CLCN3: variants seen among roughly 807,000 people sequenced by gnomAD.
CLCN3 encodes the protein H(+)/Cl(-) exchange transporter 3.
Under a neutral mutation model 83.4 loss-of-function variants are expected in CLCN3, and 16 were observed. That is an observed-to-expected ratio of 0.19 (90% CI 0.13 to 0.29). CLCN3 has a LOEUF of 0.29. Ranked by LOEUF, CLCN3 falls within the 10% of genes least tolerant of loss-of-function variation. The pLI is 1.00. For synonymous variants in CLCN3, 322 were observed against 346.2 expected (o/e 0.93, Z 0.78); for missense variants, 544 against 1,006.0 (o/e 0.54, Z 6.21).
At chr4:169,644,321 G>A (rs1730509981) in intron 2 of CLCN3, among the ~76,000 whole-genome samples, 1 of 147,786 alleles carries the variant, frequency 6.8e-6, no homozygotes. Context: ...GCCGGAGCAC[G>A]ATCTTGGCTC....
In CLCN3 at chr4:169,720,083, C is replaced by CT. The variant is rs746128050; in HGVS notation, c.*94dup. On this transcript the variant is annotated 3_prime_UTR_variant, in exon 13 of 13. Transcript: ENST00000513761. ...CTCTTTAACCTGAGGGAGTCATCTA[C>CT]TTTTTTTTCCTCCTTTACAAAAAAA... The CT allele has an allele frequency of 4.5e-5, 70 of 1,549,562 alleles. No individual in the cohort carries two copies. The East Asian group carries it at 4.9e-4, about 11-fold the overall frequency.
intron 2 of CLCN3, among the ~76,000 whole-genome samples, chr4:169,665,174 A>C (rs1225783514): frequency 6.6e-6 from 1 of 152,234 alleles, no homozygotes; most frequent in Non-Finnish European, 1.5e-5. Context: ...CCAATTACAC[A>C]GATGTCTTAA....
rs149004552 is a variant in CLCN3 at position 169,697,035 on chromosome 4, C to G, written c.1018-154C>G. On this transcript the variant is annotated intron_variant, in intron 8 of 12. Coordinates refer to ENST00000513761, the MANE Select transcript of CLCN3 (RefSeq NM_001829.4). ...TCACCATCTCCAAAAATAATAATAACATCAATTTTTCTTATTACAGTAAAA... is the reference window on the plus strand; with the variant it reads ...TCACCATCTCCAAAAATAATAATAAGATCAATTTTTCTTATTACAGTAAAA... Among the ~76,000 whole-genome samples the G allele has an allele frequency of 1.5e-3, 226 of 152,164 alleles. 1 individual carries two copies. Among genetic ancestry groups the G allele is most frequent in the Non-Finnish European group, 2.8e-3 (189 of 67,996 alleles).
chr4:169,686,006 G>A (rs56117747), intron 3 of CLCN3, among the ~76,000 whole-genome samples: 28,814 of 151,930 alleles, frequency 0.19, 3,572 homozygotes, highest in African/African-American at 0.35. Context: ...AAATAGACTG[G>A]GTCCATGTCC....
chr4:169,687,224 A>G (rs530108412), intron 3 of CLCN3, among the ~76,000 whole-genome samples: 2 of 152,206 alleles, frequency 1.3e-5, no homozygotes, highest in Non-Finnish European at 1.5e-5. Flanking sequence ...ATTTAAAACA[A>G]TCTAGGCCAG....
intron 2 of CLCN3, among the ~76,000 whole-genome samples, chr4:169,673,988 C>T (rs1339210060): frequency 1.3e-5 from 2 of 152,190 alleles, no homozygotes; most frequent in African/African-American, 4.8e-5. Flanking sequence ...TGTATAGCTA[C>T]CGTACACTTC....
chr4:169,690,546 T>G lies in CLCN3; in HGVS notation c.623T>G (p.Ile208Ser). The stretch of plus-strand genomic sequence containing the variant: ...TCTTTTTAGGGTCCTGGTTCTTATA[T>G]CATGAACTACATAATGTACATCTTC... ...IGQAEGPGSY[I>S]MNYIMYIFWA... is the part of the protein sequence containing the mutation. The change falls in exon 6 of 13, where the codon ATC becomes AGC. Residue 208 changes from isoleucine (I) to serine (S), a missense_variant. Coordinates refer to ENST00000513761, the MANE Select transcript of CLCN3 (RefSeq NM_001829.4). 2.5e-6 allele frequency: 4 copies of G among 1,612,534 alleles called. No individual in the cohort carries two copies. The highest frequency in any genetic ancestry group is 3.4e-6 in the Non-Finnish European group (4 of 1,179,496).
chr4:169,712,567 C>CT (rs1284733098), intron 11 of CLCN3, among the ~76,000 whole-genome samples: 19 of 152,142 alleles, frequency 1.2e-4, no homozygotes, highest in African/African-American at 3.6e-4. Flanking sequence ...GAAAATTATA[C>CT]TTTAACATGA....
At chr4:169,716,152 C>T (rs1026046441) in intron 12 of CLCN3, among the ~76,000 whole-genome samples, 5 of 152,076 alleles carry the variant, frequency 3.3e-5, no homozygotes, top group East Asian at 1.9e-4. Context: ...CCACATTTTG[C>T]GTTGATTTTC....
rs776459568 is a variant in CLCN3 at position 169,697,443 on chromosome 4, A to G, written c.1272A>G (p.Gly424=). ...GTCGACGCAAGTCCACGAAATTTGG[A>G]AAGTATCCCGTTCTGGAAGTCATTA... ...WCRRRKSTKF[G]KYPVLEVIIV... is the part of the protein sequence containing the mutation. The change falls in exon 9 of 13, where the codon GGA becomes GGG. Residue 424 remains glycine, a synonymous_variant. Transcript: ENST00000513761. The G allele has an allele frequency of 9.3e-6, 15 of 1,614,066 alleles. No homozygotes were observed. The highest frequency in any genetic ancestry group is 1.3e-5 in the African/African-American group (1 of 74,920).
chr4:169,713,854 CTT>C (rs1424087364), intron 12 of CLCN3, among the ~76,000 whole-genome samples: 2 of 152,116 alleles, frequency 1.3e-5, no homozygotes, highest in African/African-American at 4.8e-5. Flanking sequence ...ATACACAAAT[CTT>C]TTATATTTAT....
intron 1 of CLCN3, among the ~76,000 whole-genome samples, chr4:169,627,246 T>C (rs993568954): frequency 1.3e-5 from 2 of 152,224 alleles, no homozygotes; most frequent in African/African-American, 4.8e-5. Context: ...ATGATGCTTT[T>C]ATGCTGTTGC....
chr4:169,672,321 A>T (rs1731499313), intron 2 of CLCN3, among the ~76,000 whole-genome samples: 3 of 152,028 alleles, frequency 2.0e-5, no homozygotes, highest in African/African-American at 7.2e-5. Flanking sequence ...TGTATTTTTA[A>T]TGAAGTCGGG....
intron 1 of CLCN3, among the ~76,000 whole-genome samples, chr4:169,623,725 C>CT (rs951061849): frequency 2.3e-4 from 34 of 148,346 alleles, no homozygotes; most frequent in African/African-American, 6.9e-4. Flanking sequence ...CTGAGTTTGA[C>CT]TTTTTTTTTT....
Position 169,720,080 on chromosome 4 carries a change from C to A in CLCN3, c.*83C>A. On this transcript the variant is annotated 3_prime_UTR_variant, in exon 13 of 13. Coordinates refer to ENST00000513761, the MANE Select transcript of CLCN3 (RefSeq NM_001829.4). ...CAACTCTTTAACCTGAGGGAGTCATCTACTTTTTTTTCCTCCTTTACAAAA... is the reference window on the plus strand; with the variant it reads ...CAACTCTTTAACCTGAGGGAGTCATATACTTTTTTTTCCTCCTTTACAAAA... 1 of 1,556,252 alleles carries A rather than the reference C, an allele frequency of 6.4e-7. No homozygotes were observed. Among genetic ancestry groups the A allele is most frequent in the Non-Finnish European group, 8.7e-7 (1 of 1,154,082 alleles).
At chr4:169,704,674 A>G (rs1031662307) in intron 10 of CLCN3, among the ~76,000 whole-genome samples, 1 of 152,236 alleles carries the variant, frequency 6.6e-6, no homozygotes, top group African/African-American at 2.4e-5. Flanking sequence ...TTGTAACAAA[A>G]TGAGAAAAGG....
chr4:169,655,868 G>T (rs985637297), intron 2 of CLCN3, among the ~76,000 whole-genome samples: 1 of 152,212 alleles, frequency 6.6e-6, no homozygotes, highest in East Asian at 1.9e-4. Flanking sequence ...TGTTATTTGG[G>T]TAACCGGATA....
At chr4:169,638,769 G>A (rs1730313495) in intron 2 of CLCN3, among the ~76,000 whole-genome samples, 1 of 152,078 alleles carries the variant, frequency 6.6e-6, no homozygotes, top group African/African-American at 2.4e-5. Flanking sequence ...GGCATAAAAA[G>A]GATCTATTTG....
chr4:169,634,676 A>C (rs1773461476), intron 1 of CLCN3, among the ~76,000 whole-genome samples: 3 of 152,186 alleles, frequency 2.0e-5, no homozygotes, highest in Admixed American at 2.0e-4. Flanking sequence ...TTCCTCCAAG[A>C]ACAGTTTAAT....
Sources: gnomAD v4.1 joint callset for allele counts (sites outside exome capture counted in the v4.1 genomes callset) on GRCh38, gnomAD v4.1.1 for gene constraint, MANE v1.5 for transcripts, NCBI Gene and HGNC (gene_info 2026-07-23, HGNC 2026-07-21) for gene names.